The following PIK3R4 variants were observed in gnomAD, a reference collection of about 807,000 sequenced individuals.
PIK3R4 encodes phosphoinositide 3-kinase regulatory subunit 4.
PIK3R4 carries 46 observed loss-of-function variants against 136.5 expected under a neutral mutation model. That is an observed-to-expected ratio of 0.34 (90% CI 0.27 to 0.43). The LOEUF (loss-of-function observed/expected upper bound fraction) is 0.43, where lower values mean the gene tolerates loss of function less well. Among genes scored for constraint, PIK3R4 ranks in the 20% least tolerant of loss-of-function variants. The pLI, the probability that PIK3R4 is intolerant of heterozygous loss-of-function variation, is 1.00. For synonymous variants in PIK3R4, 557 were observed against 566.7 expected (o/e 0.98, Z 0.24); for missense variants, 1,331 against 1,649.5 (o/e 0.81, Z 3.35).
intron 2 of PIK3R4, among the ~76,000 whole-genome samples, chr3:130,743,255 TAA>T (rs200120779): frequency 7.1e-6 from 1 of 141,022 alleles, no homozygotes; most frequent in Non-Finnish European, 1.6e-5. Context: ...CCAAAAATGT[TAA>T]AAAAAAAAAA....
intron 18 of PIK3R4, 79 bp from the exon 19 acceptor site, chr3:130,680,800 A>G (rs2066453555): frequency 2.1e-6 from 2 of 931,302 alleles, no homozygotes; most frequent in African/African-American, 1.7e-5. Flanking sequence ...ATCTTCATCA[A>G]TGCATTTTTT....
intron 7 of PIK3R4, among the ~76,000 whole-genome samples, chr3:130,721,092 T>C (rs1369766907): frequency 2.6e-5 from 4 of 151,496 alleles, no homozygotes; most frequent in Non-Finnish European, 5.9e-5. Context: ...TCCCAGCACT[T>C]TGGGAGGCTG....
At chr3:130,726,603 G>A (rs1348107872) in intron 6 of PIK3R4, among the ~76,000 whole-genome samples, 2 of 152,182 alleles carry the variant, frequency 1.3e-5, no homozygotes, top group South Asian at 2.1e-4. Flanking sequence ...ATAGCTATGG[G>A]AAAAAACATC....
Position 130,746,468 on chromosome 3 carries a change from T to C in PIK3R4, c.-197A>G, listed in dbSNP as rs2066854452. The stretch of plus-strand genomic sequence containing the variant: ...TCATAGACAGGAGATGGGCTGTTGG[T>C]GGAGGGGCGCAGAAAAGTCCCGATC... On this transcript the variant is annotated 5_prime_UTR_variant, in exon 1 of 20. Transcript: ENST00000356763. The C allele has an allele frequency of 6.6e-6, 1 of 151,750 alleles. No homozygotes were observed. Among genetic ancestry groups the C allele is most frequent in the Non-Finnish European group, 1.5e-5 (1 of 67,994 alleles). The allele number at this position is 151,750 out of a possible 1,614,324, so 9.4% of individuals were successfully genotyped here. A position where few individuals can be genotyped will look rare whatever the true frequency, so the allele number is the denominator to read the frequency against.
At chr3:130,709,838 C>A (rs1385029166) in intron 9 of PIK3R4, among the ~76,000 whole-genome samples, 1 of 152,060 alleles carries the variant, frequency 6.6e-6, no homozygotes, top group Non-Finnish European at 1.5e-5. Flanking sequence ...TCCATAGAGA[C>A]AGAAAGCAGA....
intron 13 of PIK3R4, among the ~76,000 whole-genome samples, chr3:130,702,550 T>A (rs1482353180): frequency 6.6e-6 from 1 of 152,202 alleles, no homozygotes; most frequent in Non-Finnish European, 1.5e-5. Context: ...AATGAACTTA[T>A]AACAAGAAAA....
intron 6 of PIK3R4, among the ~76,000 whole-genome samples, chr3:130,727,224 C>CTT (rs776308786): frequency 4.9e-5 from 7 of 144,298 alleles, no homozygotes; most frequent in East Asian, 4.0e-4. Flanking sequence ...AACTTAAAGT[C>CTT]TTTTTTTTTT....
At chr3:130,736,919 A>C (rs923842142) in intron 2 of PIK3R4, among the ~76,000 whole-genome samples, 2 of 152,238 alleles carry the variant, frequency 1.3e-5, no homozygotes, top group Admixed American at 1.3e-4. Flanking sequence ...AGGAAAAGAG[A>C]GATAACTCTC....
chr3:130,709,561 C>G (rs2066623490), intron 9 of PIK3R4, among the ~76,000 whole-genome samples: 1 of 152,018 alleles, frequency 6.6e-6, no homozygotes. Context: ...ACTTGCAATA[C>G]TTGGTTTATT....
intron 16 of PIK3R4, among the ~76,000 whole-genome samples, chr3:130,683,781 G>A (rs527775682): frequency 2.6e-5 from 4 of 152,102 alleles, no homozygotes; most frequent in African/African-American, 7.2e-5. Flanking sequence ...TTTTAACTAC[G>A]TATTAAAGAT....
chr3:130,681,396 A>C, intron 17 of PIK3R4, 95 bp downstream of exon 17: 1 of 845,678 alleles, frequency 1.2e-6, no homozygotes, highest in East Asian at 2.4e-5. Context: ...AACATAACCC[A>C]AAAGCCCAAC....
chr3:130,732,793 T>TAA lies in PIK3R4; in HGVS notation c.1450+753_1450+754dup, dbSNP rs199688149. Among the ~76,000 whole-genome samples, 277 of 142,094 alleles carry TAA rather than the reference T, an allele frequency of 1.9e-3. 2 individuals are homozygous for TAA. Among genetic ancestry groups the TAA allele is most frequent in the African/African-American group, 6.8e-3 (265 of 38,914 alleles). 93.2% of individuals were successfully genotyped at this position (142,094 alleles called of 152,430 possible). Reference sequence around the variant, plus strand: ...ATAAAATGAATGAACTACATTTCTTTAAAAAAAAAAAAAGACAATATCATT... The same window carrying TAA: ...ATAAAATGAATGAACTACATTTCTTTAAAAAAAAAAAAAAAGACAATATCATT... On this transcript the variant is annotated intron_variant, in intron 4 of 19. Coordinates refer to ENST00000356763, the MANE Select transcript of PIK3R4 (RefSeq NM_014602.3).
At position 130,718,602 on chromosome 3, in the gene PIK3R4, A is replaced by G; in HGVS notation, c.1982-68T>C. 4 of 1,501,498 alleles carry G rather than the reference A, an allele frequency of 2.7e-6. No individual in the cohort carries two copies. In the Admixed American group the frequency reaches 5.3e-5, roughly 20 times the overall value. 93.0% of individuals were successfully genotyped at this position (1,501,498 alleles called of 1,614,324 possible). A position where few individuals can be genotyped will look rare whatever the true frequency, so the allele number is the denominator to read the frequency against. ...AAACTATCGGGATAAACAAATTTTT[A>G]CCTTATAACGTAACTGACAAAAGGA... On this transcript the variant is annotated intron_variant, in intron 7 of 19. Transcript: ENST00000356763.
intron 5 of PIK3R4, among the ~76,000 whole-genome samples, chr3:130,729,421 A>G (rs1396373365): frequency 6.6e-6 from 1 of 152,210 alleles, no homozygotes; most frequent in Non-Finnish European, 1.5e-5. Context: ...TGTCAAGGAA[A>G]AAGGTAACTG....
chr3:130,681,792 C>T (rs1182222806), intron 16 of PIK3R4, among the ~76,000 whole-genome samples: 1 of 152,110 alleles, frequency 6.6e-6, no homozygotes, highest in African/African-American at 2.4e-5. Flanking sequence ...AGTCACTGCG[C>T]TAGGCACTGA....
At chr3:130,701,069 T>C (rs1438370198) in intron 13 of PIK3R4, among the ~76,000 whole-genome samples, 3 of 152,110 alleles carry the variant, frequency 2.0e-5, no homozygotes, top group Non-Finnish European at 2.9e-5. Context: ...ATACAGAAGG[T>C]ATGACTGTAA....
chr3:130,689,779 T>G (rs1436801465), intron 14 of PIK3R4, among the ~76,000 whole-genome samples: 2 of 152,240 alleles, frequency 1.3e-5, no homozygotes, highest in Non-Finnish European at 2.9e-5. Flanking sequence ...CACATTGCAC[T>G]GAAATTGTCT....
chr3:130,707,255 T>C (rs893573188), intron 10 of PIK3R4, 120 bp from the exon 11 acceptor site: 13 of 528,020 alleles, frequency 2.5e-5, no homozygotes, highest in African/African-American at 2.4e-4. Context: ...TCATATTCTA[T>C]TTGTTCCTTA....
chr3:130,687,941 T>C (rs778930599), intron 14 of PIK3R4, among the ~76,000 whole-genome samples: 1 of 152,204 alleles, frequency 6.6e-6, no homozygotes, highest in Non-Finnish European at 1.5e-5. Context: ...CTAAGCCCTA[T>C]GTGTTCATTG....
Sources: allele counts gnomAD v4.1 joint callset (sites outside exome capture counted in the v4.1 genomes callset), GRCh38; gene constraint gnomAD v4.1.1; transcripts MANE v1.5; gene names NCBI Gene and HGNC (gene_info 2026-07-23, HGNC 2026-07-21).